The following ZNF407 variants were observed in gnomAD, a reference collection of about 807,000 sequenced individuals.
The protein encoded by ZNF407 is zinc finger protein 407.
A neutral mutation model predicts 131.2 loss-of-function variants in ZNF407; 17 were observed. The observed-to-expected ratio is 0.13, with a 90% CI of 0.09 to 0.19. The LOEUF is 0.19. Among genes scored for constraint, ZNF407 ranks in the 10% least tolerant of loss-of-function variants. The pLI is 1.00. For synonymous variants in ZNF407, 1,156 were observed against 1,062.0 expected, an observed-to-expected ratio of 1.09 and a Z score of -1.72; for missense variants, 2,681 against 2,830.6, an observed-to-expected ratio of 0.95 and a Z score of 1.20.
chr18:74,888,007 C>T (rs944463860), intron 6 of ZNF407, among the ~76,000 whole-genome samples: 1 of 152,114 alleles, frequency 6.6e-6, no homozygotes, highest in African/African-American at 2.4e-5. Context: ...TCTAAACGTT[C>T]TAATTTTCAG....
intron 8 of ZNF407, among the ~76,000 whole-genome samples, chr18:75,005,707 C>A (rs1972901370): frequency 9.5e-6 from 1 of 105,298 alleles, no homozygotes; most frequent in Non-Finnish European, 1.8e-5. Context: ...CCACCCCCCC[C>A]ACCCACCCCC....
intron 8 of ZNF407, among the ~76,000 whole-genome samples, chr18:75,013,567 G>T (rs1473181626): frequency 6.6e-6 from 1 of 152,114 alleles, no homozygotes; most frequent in African/African-American, 2.4e-5. Flanking sequence ...CATGAAGCAA[G>T]GTCAAAACAG....
chr18:74,961,996 A>C (rs1434232597), intron 8 of ZNF407, among the ~76,000 whole-genome samples: 1 of 152,218 alleles, frequency 6.6e-6, no homozygotes, highest in Non-Finnish European at 1.5e-5. Flanking sequence ...TTATGTATTT[A>C]ATCAAAACTA....
At chr18:74,911,911 G>T (rs1012097075) in intron 7 of ZNF407, among the ~76,000 whole-genome samples, 1 of 152,142 alleles carries the variant, frequency 6.6e-6, no homozygotes, top group Non-Finnish European at 1.5e-5. Context: ...GAATGAGAAT[G>T]CTCTTTGGGC....
intron 3 of ZNF407, among the ~76,000 whole-genome samples, chr18:74,689,230 A>G (rs1040442081): frequency 6.6e-6 from 1 of 152,168 alleles, no homozygotes; most frequent in African/African-American, 2.4e-5. Context: ...AAGTGGAAGT[A>G]TTTTATTTTT....
intron 1 of ZNF407, among the ~76,000 whole-genome samples, chr18:74,624,131 G>C (rs1983684920): frequency 6.6e-6 from 1 of 152,166 alleles, no homozygotes; most frequent in Admixed American, 6.5e-5. Flanking sequence ...CTTCCTCTGA[G>C]AGCTGGCAGT....
At chr18:74,786,997 G>A (rs1969731434) in intron 4 of ZNF407, among the ~76,000 whole-genome samples, 1 of 151,470 alleles carries the variant, frequency 6.6e-6, no homozygotes, top group South Asian at 2.1e-4. Flanking sequence ...AGTAGAGACG[G>A]GGTTTCATCA....
chr18:74,788,674 G>A (rs1417296770), intron 4 of ZNF407, among the ~76,000 whole-genome samples: 2 of 149,930 alleles, frequency 1.3e-5, no homozygotes, highest in East Asian at 3.9e-4. Flanking sequence ...CATGCTAGAG[G>A]TAGTGAGTTT....
intron 7 of ZNF407, among the ~76,000 whole-genome samples, chr18:74,890,600 T>C (rs984157602): frequency 5.3e-5 from 8 of 152,222 alleles, no homozygotes; most frequent in African/African-American, 1.9e-4. Flanking sequence ...TTTTAATTAA[T>C]CAGTTGTTCA....
chr18:74,892,608 G>A (rs1030072830), intron 7 of ZNF407, among the ~76,000 whole-genome samples: 11 of 152,054 alleles, frequency 7.2e-5, no homozygotes, highest in Non-Finnish European at 1.3e-4. Context: ...GTGTTAAAAC[G>A]TTGTTTAGAA....
At chr18:74,761,588 G>A (rs1285380442) in intron 3 of ZNF407, among the ~76,000 whole-genome samples, 2 of 152,070 alleles carry the variant, frequency 1.3e-5, no homozygotes, top group Admixed American at 6.6e-5. Context: ...ATGCAAGTTT[G>A]CCCCTTTTAA....
intron 1 of ZNF407, among the ~76,000 whole-genome samples, chr18:74,616,597 A>T (rs1057280443): frequency 1.4e-4 from 21 of 151,932 alleles, no homozygotes; most frequent in Admixed American, 2.6e-4. Context: ...AGTGATTTGA[A>T]ATTTATTAAA....
At chr18:74,772,820 C>A (rs984088486) in intron 3 of ZNF407, among the ~76,000 whole-genome samples, 1 of 151,936 alleles carries the variant, frequency 6.6e-6, no homozygotes, top group Non-Finnish European at 1.5e-5. Context: ...GGGAGAGTGC[C>A]TTGTAGCTGT....
intron 3 of ZNF407, among the ~76,000 whole-genome samples, chr18:74,717,704 A>G (rs1967928364): frequency 6.6e-6 from 1 of 152,238 alleles, no homozygotes; most frequent in South Asian, 2.1e-4. Context: ...TATAAGTTGA[A>G]TGTCCCTTCT....
intron 3 of ZNF407, among the ~76,000 whole-genome samples, chr18:74,778,179 C>A (rs989835478): frequency 6.6e-6 from 1 of 152,158 alleles, no homozygotes; most frequent in African/African-American, 2.4e-5. Flanking sequence ...CCTCTTTTTT[C>A]TATCCTCCCT....
At chr18:75,007,837 T>C (rs893082858) in intron 8 of ZNF407, among the ~76,000 whole-genome samples, 1 of 151,990 alleles carries the variant, frequency 6.6e-6, no homozygotes, top group Non-Finnish European at 1.5e-5. Flanking sequence ...CCATGGGAAA[T>C]TTACATCAGC....
chr18:74,932,570 C>A (rs950767047), intron 8 of ZNF407, among the ~76,000 whole-genome samples: 6 of 152,004 alleles, frequency 3.9e-5, no homozygotes, highest in Non-Finnish European at 7.4e-5. Flanking sequence ...TTTGACTTAG[C>A]CTGATATTTG....
chr18:74,880,895 C>T (rs1195765802), intron 5 of ZNF407, 141 bp from the exon 6 acceptor site: 9 of 735,882 alleles, frequency 1.2e-5, no homozygotes, highest in African/African-American at 1.7e-5. Flanking sequence ...GTCAATAAAC[C>T]GCAGTGGTAA....
rs551982232 is a variant in ZNF407 at position 74,727,997 on chromosome 18, G to A, written c.4803-53431G>A. 9.2e-5 allele frequency among the ~76,000 whole-genome samples: 14 copies of A among 152,196 alleles called. No individual in the cohort carries two copies. The South Asian group carries it at 1.9e-3, about 20-fold the overall frequency. On this transcript the variant is annotated intron_variant, in intron 3 of 8. Transcript: ENST00000299687. ...GGGAGAAGGAGAGTGATGGAGGAGC[G>A]CCCTCTCCTACCGCAGCCTTCCTCA...
Sources: gnomAD v4.1 joint callset for allele counts (sites outside exome capture counted in the v4.1 genomes callset) on GRCh38, gnomAD v4.1.1 for gene constraint, MANE v1.5 for transcripts, NCBI Gene and HGNC (gene_info 2026-07-23, HGNC 2026-07-21) for gene names.